Variants in TMPRSS2 observed in about 807,000 individuals in gnomAD.
The protein encoded by TMPRSS2 is transmembrane serine protease 2.
TMPRSS2 carries 59 observed loss-of-function variants against 67.4 expected under a neutral mutation model. That is an observed-to-expected ratio of 0.88 (90% CI 0.71 to 1.09). The LOEUF (loss-of-function observed/expected upper bound fraction) is 1.09, where lower values mean the gene tolerates loss of function less well. Ranked by LOEUF, TMPRSS2 falls within the 50% of genes least tolerant of loss-of-function variation. The probability of loss-of-function intolerance (pLI) is 0.00; values close to 1 mark genes in which losing one functional copy is unlikely to be tolerated. For missense variants in TMPRSS2, 668 were observed against 642.7 expected (o/e 1.04, Z -0.43); for synonymous variants, 257 against 257.0 (o/e 1.00, Z 0.00).
intron 2 of TMPRSS2, chr21:41,494,846 G>A (rs530306757): frequency 6.8e-5 from 30 of 442,110 alleles, no homozygotes; most frequent in Non-Finnish European, 8.7e-5. Flanking sequence ...CGAGGCGGGC[G>A]GATCATGAGG....
At chr21:41,472,443 C>T (rs977609471) in intron 9 of TMPRSS2, among the ~76,000 whole-genome samples, 2 of 152,114 alleles carry the variant, frequency 1.3e-5, no homozygotes, top group African/African-American at 4.8e-5. Flanking sequence ...CCTAGTGGGC[C>T]CAGAGCACCC....
intron 4 of TMPRSS2, among the ~76,000 whole-genome samples, chr21:41,489,255 G>A (rs559363556): frequency 5.3e-5 from 8 of 152,346 alleles, no homozygotes; most frequent in South Asian, 4.1e-4. Context: ...TGGCCCCAAG[G>A]TAGAAGAACC....
chr21:41,491,944 C>T (rs1047508494), intron 3 of TMPRSS2, among the ~76,000 whole-genome samples: 1 of 152,176 alleles, frequency 6.6e-6, no homozygotes, highest in African/African-American at 2.4e-5. Context: ...GAGTGGATCT[C>T]AGCACTTTGG....
chr21:41,483,346 T>C (rs1022050593), intron 5 of TMPRSS2, among the ~76,000 whole-genome samples: 2 of 152,062 alleles, frequency 1.3e-5, no homozygotes, highest in African/African-American at 2.4e-5. Context: ...TGCAATGGCA[T>C]GATCTCAGCT....
intron 4 of TMPRSS2, among the ~76,000 whole-genome samples, chr21:41,489,082 C>A (rs897102586): frequency 4.6e-5 from 7 of 152,216 alleles, no homozygotes; most frequent in Non-Finnish European, 4.4e-5. Flanking sequence ...CACACGTCCT[C>A]TCTGCCACAC....
At position 41,480,564 on chromosome 21, in the gene TMPRSS2, A is replaced by G. The variant is rs767345891; in HGVS notation, c.484T>C (p.Ser162Pro). 21 of 1,613,850 alleles carry G rather than the reference A, an allele frequency of 1.3e-5. No individual in the cohort carries two copies. Among genetic ancestry groups the G allele is most frequent in the Non-Finnish European group, 1.7e-5 (20 of 1,180,036 alleles). Reference protein sequence around the residue: ...YGPNFILQVYSSQRKSWHPVC... With the variant: ...YGPNFILQVYPSQRKSWHPVC... Reference sequence around the variant, plus strand: ...GGGTGCCAGGACTTCCTCTGAGATGAGTACACCTGAAGGATGAAGTTTGGT... The same window carrying G: ...GGGTGCCAGGACTTCCTCTGAGATGGGTACACCTGAAGGATGAAGTTTGGT... Residue 162 changes from serine to proline, a missense_variant, in exon 6 of 14, where the codon TCA (serine) becomes CCA (proline). Transcript: ENST00000332149.
intron 1 of TMPRSS2, chr21:41,502,700 G>T: frequency 2.2e-6 from 1 of 455,128 alleles, no homozygotes; most frequent in Non-Finnish European, 2.9e-6. Context: ...ACTTGTTTAT[G>T]TATAATCAGG....
intron 2 of TMPRSS2, 138 bp downstream of exon 2, chr21:41,497,981 G>T: frequency 1.6e-6 from 1 of 639,134 alleles, no homozygotes; most frequent in Non-Finnish European, 2.8e-6. Flanking sequence ...TTTCTAGAGG[G>T]TGCCTTGAAC....
intron 1 of TMPRSS2, 111 bp downstream of exon 1, chr21:41,507,970 C>CCT: frequency 6.8e-7 from 1 of 1,463,686 alleles, no homozygotes; most frequent in South Asian, 1.3e-5. Flanking sequence ...GCGCTCCTCA[C>CCT]ACCCGCTTTC....
intron 8 of TMPRSS2, 140 bp from the exon 9 acceptor site, chr21:41,473,636 C>T: frequency 1.0e-6 from 1 of 952,536 alleles, no homozygotes; most frequent in South Asian, 1.7e-5. Flanking sequence ...TTAGGGGGCT[C>T]CTGGGGGTCT....
Position 41,478,594 on chromosome 21 carries a change from G to C in TMPRSS2, c.683+578C>G, listed in dbSNP as rs922807993. Reference sequence around the variant, plus strand: ...CCACTCATCATGTGACCTGTGGCTTGTACCCACTTCTACCCCCTGGAAACA... The same window carrying C: ...CCACTCATCATGTGACCTGTGGCTTCTACCCACTTCTACCCCCTGGAAACA... On this transcript the variant is annotated intron_variant, in intron 7 of 13. Transcript: ENST00000332149. This position sits in a 1 kb window ranked among gnomAD's most constrained non-coding sequence, Gnocchi z 4.0. 6.6e-6 allele frequency among the ~76,000 whole-genome samples: 1 copy of C among 152,196 alleles called. No individual in the cohort carries two copies. The highest frequency in any genetic ancestry group is 6.5e-5 in the Admixed American group (1 of 15,282).
At chr21:41,481,620 T>A (rs2091257607) in intron 5 of TMPRSS2, among the ~76,000 whole-genome samples, 1 of 152,174 alleles carries the variant, frequency 6.6e-6, no homozygotes, top group African/African-American at 2.4e-5. Flanking sequence ...AATTTTATGG[T>A]ACATACATTA....
intron 1 of TMPRSS2, among the ~76,000 whole-genome samples, chr21:41,498,794 G>A (rs968049234): frequency 6.6e-6 from 1 of 152,224 alleles, no homozygotes; most frequent in Admixed American, 6.5e-5. Flanking sequence ...CAGCTCCCTG[G>A]AAGTGTCGAT....
intron 1 of TMPRSS2, among the ~76,000 whole-genome samples, chr21:41,504,647 C>G (rs932610369): frequency 1.3e-5 from 2 of 152,160 alleles, no homozygotes; most frequent in Non-Finnish European, 1.5e-5. Context: ...TGTCACAGAT[C>G]CCCCTTTTGC....
In TMPRSS2 at chr21:41,476,568, T is replaced by C; in HGVS notation, c.727+9A>G. 6.2e-7 allele frequency: 1 copy of C among 1,612,988 alleles called. No homozygotes were observed. Among genetic ancestry groups the C allele is most frequent in the Non-Finnish European group, 8.5e-7 (1 of 1,179,526 alleles). ...GAAGTATCAAAAGGGGGACTCCAGA[T>C]GAACTTACCTATACAGCGTAAAGAA... On this transcript the variant is annotated intron_variant, in intron 8 of 13. Coordinates refer to ENST00000332149, the MANE Select transcript of TMPRSS2 (RefSeq NM_005656.4).
In TMPRSS2 at chr21:41,504,882, T is replaced by C. The variant is rs367897367; in HGVS notation, c.-57+3199A>G. Among the ~76,000 whole-genome samples, 5 of 152,048 alleles carry C rather than the reference T, an allele frequency of 3.3e-5. No individual in the cohort carries two copies. In the South Asian group the frequency reaches 1.0e-3, roughly 32 times the overall value. On this transcript the variant is annotated intron_variant, in intron 1 of 13. Transcript: ENST00000332149. ...GCACCCCAATCCTGAGGCCACGCAG[T>C]GCATCCCATATTGGAGGATCCCCTG...
At position 41,465,387 on chromosome 21, in the gene TMPRSS2, G is replaced by A. The variant is rs538240292; in HGVS notation, c.*755C>T. 1 of 233,596 alleles carries A rather than the reference G, an allele frequency of 4.3e-6. No homozygotes were observed. Among genetic ancestry groups the A allele is most frequent in the African/African-American group, 2.2e-5 (1 of 45,358 alleles). 14.5% of individuals were successfully genotyped at this position (233,596 alleles called of 1,614,324 possible). A position where few individuals can be genotyped will look rare whatever the true frequency, so the allele number is the denominator to read the frequency against. ...ACCAAGGGGCATGTGCACTCTCCAG[G>A]GTGCTAGGAGCAGGGTCAGGGAGGA... On this transcript the variant is annotated 3_prime_UTR_variant, in exon 14 of 14. Coordinates refer to ENST00000332149, the MANE Select transcript of TMPRSS2 (RefSeq NM_005656.4).
At chr21:41,475,549 GT>G (rs2091201909) in intron 8 of TMPRSS2, among the ~76,000 whole-genome samples, 1 of 33,880 alleles carries the variant, frequency 3.0e-5, no homozygotes, top group Non-Finnish European at 6.3e-5. Context: ...GAGTGAGGGG[GT>G]GAGGAGGTGA....
chr21:41,501,968 G>A (rs1244097662), intron 1 of TMPRSS2, among the ~76,000 whole-genome samples: 1 of 152,234 alleles, frequency 6.6e-6, no homozygotes. Flanking sequence ...CTTTAAGTGT[G>A]AAAGAGCAAC....
Sources: gnomAD v4.1 joint callset for allele counts (sites outside exome capture counted in the v4.1 genomes callset) on GRCh38, gnomAD v4.1.1 for gene constraint, Gnocchi (gnomAD v3.1) non-coding constraint, MANE v1.5 for transcripts, NCBI Gene and HGNC (gene_info 2026-07-23, HGNC 2026-07-21) for gene names.